The following ARHGAP28 variants were observed in gnomAD, a reference collection of about 807,000 sequenced individuals.
ARHGAP28 encodes the protein Rho GTPase activating protein 28.
Under a neutral mutation model 90.7 loss-of-function variants are expected in ARHGAP28, and 56 were observed. That is an observed-to-expected ratio of 0.62 (90% CI 0.50 to 0.77). ARHGAP28 has a LOEUF of 0.77. ARHGAP28 is among the 30% of genes least tolerant of loss of function. The pLI is 0.00. For synonymous variants in ARHGAP28, 308 were observed against 323.3 expected (o/e 0.95, Z 0.51); for missense variants, 869 against 900.9 (o/e 0.96, Z 0.45).
At chr18:6,892,122 G>A (rs2057270824) in intron 14 of ARHGAP28, among the ~76,000 whole-genome samples, 1 of 152,058 alleles carries the variant, frequency 6.6e-6, no homozygotes. Flanking sequence ...TTTTAATTGA[G>A]AAAAAATCAC....
At chr18:6,794,161 A>G (rs970000426) in intron 1 of ARHGAP28, among the ~76,000 whole-genome samples, 3 of 152,244 alleles carry the variant, frequency 2.0e-5, no homozygotes, top group Non-Finnish European at 2.9e-5. Context: ...TTTCTACCAC[A>G]TACCCCACTA....
chr18:6,734,836 T>C (rs1476731855), intron 1 of ARHGAP28, among the ~76,000 whole-genome samples: 8 of 152,208 alleles, frequency 5.3e-5, no homozygotes, highest in Admixed American at 4.6e-4. Flanking sequence ...AGATTCTTAG[T>C]AGACAATAGG....
intron 4 of ARHGAP28, 98 bp downstream of exon 4, chr18:6,851,224 T>C: frequency 9.5e-7 from 1 of 1,058,086 alleles, no homozygotes; most frequent in Non-Finnish European, 1.4e-6. Flanking sequence ...ATAATTAAGA[T>C]GGCTGGACAA....
intron 2 of ARHGAP28, among the ~76,000 whole-genome samples, chr18:6,833,032 T>C (rs889839596): frequency 6.6e-6 from 1 of 152,140 alleles, no homozygotes. Flanking sequence ...TCTGCATATG[T>C]TGTACATACA....
rs566528431 is a variant in ARHGAP28, at chr18:6,779,587, G to C, written c.123-45175G>C. Reference sequence around the variant, plus strand: ...AGTTTCCAAGGTACAGGTATACCCCGATCTCCTTAACAGCCATTGTATGAC... The same window carrying C: ...AGTTTCCAAGGTACAGGTATACCCCCATCTCCTTAACAGCCATTGTATGAC... On this transcript the variant is annotated intron_variant, in intron 1 of 17. Transcript: ENST00000383472. 5.9e-5 allele frequency among the ~76,000 whole-genome samples: 9 copies of C among 152,270 alleles called. 1 individual carries two copies. In the South Asian group the frequency reaches 1.9e-3, roughly 32 times the overall value.
chr18:6,907,692 G>A (rs1480610641), intron 16 of ARHGAP28, among the ~76,000 whole-genome samples: 1 of 152,146 alleles, frequency 6.6e-6, no homozygotes, highest in Non-Finnish European at 1.5e-5. Context: ...GCTATAAAGA[G>A]GCAACAGGGG....
At chr18:6,909,255 CTT>C (rs1324522302) in intron 17 of ARHGAP28, among the ~76,000 whole-genome samples, 1 of 60,026 alleles carries the variant, frequency 1.7e-5, no homozygotes, top group Admixed American at 1.5e-4. Flanking sequence ...TGGGTCTTTT[CTT>C]TTCTTTTCTT....
chr18:6,850,601 G>A (rs2056902400), intron 3 of ARHGAP28, among the ~76,000 whole-genome samples: 1 of 152,176 alleles, frequency 6.6e-6, no homozygotes, highest in Admixed American at 6.5e-5. Flanking sequence ...GCTTCTGAAA[G>A]ACGCTGACTT....
intron 1 of ARHGAP28, among the ~76,000 whole-genome samples, chr18:6,780,915 A>C (rs1308155448): frequency 1.3e-5 from 2 of 151,648 alleles, no homozygotes; most frequent in African/African-American, 2.4e-5. Context: ...AAAAAAATTC[A>C]ATCAGTCTTG....
At chr18:6,860,469 G>C (rs940537026) in intron 5 of ARHGAP28, among the ~76,000 whole-genome samples, 2 of 152,004 alleles carry the variant, frequency 1.3e-5, no homozygotes, top group Non-Finnish European at 2.9e-5. Context: ...CATTGTCTCT[G>C]AGCAGGAGCT....
Position 6,837,206 on chromosome 18 carries a change from T to C in ARHGAP28, c.335T>C (p.Leu112Pro). Residue 112 changes from leucine (L) to proline (P), a missense_variant, in exon 3 of 18, where the codon CTT becomes CCT. Physicochemically the swap from Leu to Pro is moderately conservative, Grantham distance 98 (BLOSUM62 -3). Coordinates refer to ENST00000383472, the MANE Select transcript of ARHGAP28 (RefSeq NM_001366230.1). The part of the protein sequence containing the change: ...AEVTPVDEGE[L>P]EAEWLQDVGL... ...TAATGTTCTTTCACAGAAGGAGAAC[T>C]TGAAGCAGAATGGCTGCAAGATGTG... 1 of 1,549,684 alleles carries C rather than the reference T, an allele frequency of 6.5e-7. No homozygotes were observed. Among genetic ancestry groups the C allele is most frequent in the Non-Finnish European group, 8.7e-7 (1 of 1,150,390 alleles).
intron 14 of ARHGAP28, among the ~76,000 whole-genome samples, chr18:6,892,485 CT>C (rs1220542958): frequency 6.6e-6 from 1 of 152,158 alleles, no homozygotes; most frequent in Non-Finnish European, 1.5e-5. Flanking sequence ...AATGTCTGGA[CT>C]TCCTTAGTTT....
intron 1 of ARHGAP28, among the ~76,000 whole-genome samples, chr18:6,772,242 G>A (rs2056248666): frequency 6.6e-6 from 1 of 152,142 alleles, no homozygotes; most frequent in African/African-American, 2.4e-5. Context: ...AATTTCATTT[G>A]TACATTAACC....
intron 14 of ARHGAP28, among the ~76,000 whole-genome samples, chr18:6,894,167 A>G (rs377058453): frequency 1.3e-3 from 196 of 152,158 alleles, no homozygotes; most frequent in African/African-American, 4.5e-3. Flanking sequence ...ATGCCCAGCC[A>G]CTATATTGTG....
chr18:6,861,231 C>T (rs1483651135), intron 5 of ARHGAP28, among the ~76,000 whole-genome samples: 2 of 152,158 alleles, frequency 1.3e-5, no homozygotes, highest in Non-Finnish European at 2.9e-5. Flanking sequence ...CTCAACTCTG[C>T]CTCCCTCCTC....
chr18:6,788,459 T>G (rs2056382173), intron 1 of ARHGAP28: 1 of 149,184 alleles, frequency 6.7e-6, no homozygotes. Context: ...TTTTTGTTTG[T>G]TTTTTTTTTG....
chr18:6,874,394 T>C (rs943168381), intron 9 of ARHGAP28, among the ~76,000 whole-genome samples: 6 of 152,174 alleles, frequency 3.9e-5, no homozygotes, highest in African/African-American at 1.4e-4. Context: ...AACTATAAAA[T>C]GCTAATATCT....
intron 1 of ARHGAP28, among the ~76,000 whole-genome samples, chr18:6,743,362 A>G (rs1282704737): frequency 6.6e-6 from 1 of 152,116 alleles, no homozygotes; most frequent in Non-Finnish European, 1.5e-5. Flanking sequence ...TCATTACTGG[A>G]TCCTTAACTA....
At chr18:6,766,370 A>C in intron 1 of ARHGAP28, among the ~76,000 whole-genome samples, 1 of 152,250 alleles carries the variant, frequency 6.6e-6, no homozygotes, top group East Asian at 1.9e-4. Context: ...CTTTAGTCCT[A>C]GTTCTTTTTC....
Sources: allele counts gnomAD v4.1 joint callset (sites outside exome capture counted in the v4.1 genomes callset), GRCh38; gene constraint gnomAD v4.1.1; transcripts MANE v1.5; gene names NCBI Gene and HGNC (gene_info 2026-07-23, HGNC 2026-07-21).